KIF13A: variants seen among roughly 807,000 people sequenced by gnomAD.
KIF13A encodes the protein kinesin family member 13A.
A neutral mutation model predicts 212.2 loss-of-function variants in KIF13A; 79 were observed. That is an observed-to-expected ratio of 0.37 (90% CI 0.31 to 0.45). KIF13A has a LOEUF of 0.45. Among genes scored for constraint, KIF13A ranks in the 20% least tolerant of loss-of-function variants. The probability of loss-of-function intolerance (pLI) is 1.00; values close to 1 mark genes in which losing one functional copy is unlikely to be tolerated. For synonymous variants in KIF13A, 789 were observed against 808.6 expected, an observed-to-expected ratio of 0.98 and a Z score of 0.41; for missense variants, 1,901 against 2,209.0, an observed-to-expected ratio of 0.86 and a Z score of 2.79.
chr6:17,879,146 A>G lies in KIF13A; in HGVS notation c.160-5709T>C, dbSNP rs78633455. ...GATCTCCCAATCCCCTTTCCCTCCTATGAAATTTTACAGCAGTTTGTAGCT... is the reference window on the plus strand; with the variant it reads ...GATCTCCCAATCCCCTTTCCCTCCTGTGAAATTTTACAGCAGTTTGTAGCT... On this transcript the variant is annotated intron_variant, in intron 3 of 38. Transcript: ENST00000259711. 7.1e-3 allele frequency among the ~76,000 whole-genome samples: 1,084 copies of G among 152,224 alleles called. 11 individuals carry two copies. Among genetic ancestry groups the G allele is most frequent in the African/African-American group, 0.023 (959 of 41,546 alleles).
intron 3 of KIF13A, chr6:17,881,525 T>C (rs1357372361): frequency 4.7e-6 from 2 of 429,338 alleles, no homozygotes; most frequent in South Asian, 1.6e-5. Flanking sequence ...GGTGAAACCC[T>C]GTCTCTACTA....
At chr6:17,920,613 C>T (rs913233484) in intron 2 of KIF13A, among the ~76,000 whole-genome samples, 1 of 152,182 alleles carries the variant, frequency 6.6e-6, no homozygotes, top group African/African-American at 2.4e-5. Context: ...GTGGCTCACG[C>T]CTGTAATCCC....
Position 17,871,320 on chromosome 6 carries a change from CTCTCTTTAAAATCTGGTGCCTTTTCTCTT to C in KIF13A, c.220+2028_220+2056del, listed in dbSNP as rs1368177450. 6.6e-6 allele frequency among the ~76,000 whole-genome samples: 1 copy of C among 152,100 alleles called. No individual in the cohort carries two copies. The highest frequency in any genetic ancestry group is 1.5e-5 in the Non-Finnish European group (1 of 68,014). ...GACAATTGGTGCCTTTCCAGATTTT[CTCTCTTTAAAATCTGGTGCCTTTTCTCTT>C]TCTCTTTAAAATCTGGTGCCTTTCC... On this transcript the variant is annotated intron_variant, in intron 4 of 38. Coordinates refer to ENST00000259711, the MANE Select transcript of KIF13A (RefSeq NM_022113.6). The surrounding 1 kb of genome is among the most constrained non-coding windows in gnomAD (Gnocchi z 4.4).
intron 29 of KIF13A, among the ~76,000 whole-genome samples, chr6:17,781,623 G>GT (rs776138365): frequency 0.034 from 3,609 of 107,002 alleles, 92 homozygotes; most frequent in African/African-American, 0.054. Context: ...CTGTACTTGG[G>GT]TTTTTTTTTT....
chr6:17,823,440 T>C (rs1274052241), intron 16 of KIF13A, among the ~76,000 whole-genome samples: 2 of 136,854 alleles, frequency 1.5e-5, no homozygotes, highest in Non-Finnish European at 1.6e-5. Flanking sequence ...CTCCCTGCCT[T>C]CCTCCCTCTC....
intron 16 of KIF13A, among the ~76,000 whole-genome samples, chr6:17,821,034 A>G (rs1271574571): frequency 6.6e-6 from 1 of 152,094 alleles, no homozygotes; most frequent in Non-Finnish European, 1.5e-5. Context: ...TTATTTTTAA[A>G]ATGTTTTGTA....
chr6:17,834,528 T>TCAAAGTGGG lies in KIF13A; in HGVS notation c.1156-458_1156-457insCCCACTTTG, dbSNP rs1282993841. On this transcript the variant is annotated intron_variant, in intron 11 of 38. Coordinates refer to ENST00000259711, the MANE Select transcript of KIF13A (RefSeq NM_022113.6). This position sits in a 1 kb window ranked among gnomAD's most constrained non-coding sequence, Gnocchi z 4.0. ...AAATTTTGAATCTGGGCCTTTAGAC[T>TCAAAGTGGG]ACCTTTCTCCACTGATGGTCATGCA... Among the ~76,000 whole-genome samples, 4 of 152,242 alleles carry TCAAAGTGGG rather than the reference T, an allele frequency of 2.6e-5. No homozygotes were observed. Among genetic ancestry groups the TCAAAGTGGG allele is most frequent in the African/African-American group, 9.6e-5 (4 of 41,464 alleles).
chr6:17,926,983 C>G lies in KIF13A; in HGVS notation c.147-28803G>C, dbSNP rs184821762. Among the ~76,000 whole-genome samples the G allele has an allele frequency of 1.3e-5, 2 of 151,894 alleles. No homozygotes were observed. Among genetic ancestry groups the G allele is most frequent in the South Asian group, 2.1e-4 (1 of 4,816 alleles). The stretch of plus-strand genomic sequence containing the variant: ...TGAAACCTCATCTCTACTAAAAATA[C>G]AAAAATTAGCCAGGTGTGGTGGTGC... On this transcript the variant is annotated intron_variant, in intron 2 of 38. Coordinates refer to ENST00000259711, the MANE Select transcript of KIF13A (RefSeq NM_022113.6). This position sits in a 1 kb window ranked among gnomAD's most constrained non-coding sequence, Gnocchi z 4.3.
chr6:17,934,184 C>T lies in KIF13A; in HGVS notation c.147-36004G>A, dbSNP rs1776255873. On this transcript the variant is annotated intron_variant, in intron 2 of 38. Transcript: ENST00000259711. The surrounding 1 kb of genome is among the most constrained non-coding windows in gnomAD (Gnocchi z 5.4). ...GTTTCTTCGTAATTACAAAAGGCACCTCTTTCCATCTCTCACACTACTGTC... is the reference window on the plus strand; with the variant it reads ...GTTTCTTCGTAATTACAAAAGGCACTTCTTTCCATCTCTCACACTACTGTC... 6.6e-6 allele frequency among the ~76,000 whole-genome samples: 1 copy of T among 152,084 alleles called. No individual in the cohort carries two copies.
intron 17 of KIF13A, among the ~76,000 whole-genome samples, chr6:17,815,981 T>G (rs1763903947): frequency 6.6e-6 from 1 of 150,508 alleles, no homozygotes; most frequent in African/African-American, 2.4e-5. Context: ...GATCTTGGCT[T>G]ACTGTAACCA....
chr6:17,881,834 GA>G, intron 3 of KIF13A: 1 of 349,414 alleles, frequency 2.9e-6, no homozygotes, highest in Non-Finnish European at 5.7e-6. Flanking sequence ...TGTCTCTACT[GA>G]AAATACAAAA....
intron 4 of KIF13A, among the ~76,000 whole-genome samples, chr6:17,868,076 G>A (rs604139): frequency 0.79 from 120,785 of 152,228 alleles, 48,242 homozygotes; most frequent in African/African-American, 0.85. Context: ...AATGCTCGAA[G>A]ACACATGGCT....
chr6:17,975,161 T>C (rs941041681), intron 2 of KIF13A, among the ~76,000 whole-genome samples: 3 of 152,048 alleles, frequency 2.0e-5, no homozygotes, highest in South Asian at 2.1e-4. Context: ...CTGGCCAACA[T>C]AGTGAAACCC....
intron 2 of KIF13A, among the ~76,000 whole-genome samples, chr6:17,972,649 G>A (rs1346732993): frequency 6.6e-6 from 1 of 152,082 alleles, no homozygotes; most frequent in Non-Finnish European, 1.5e-5. Context: ...GCAGTTCGTC[G>A]TTTTGCGCTT....
At chr6:17,778,170 A>G (rs1760170133) in intron 33 of KIF13A, among the ~76,000 whole-genome samples, 1 of 152,210 alleles carries the variant, frequency 6.6e-6, no homozygotes, top group Non-Finnish European at 1.5e-5. Context: ...AAATAAAACC[A>G]GGAAAACAGC....
chr6:17,925,662 C>T (rs1775433227), intron 2 of KIF13A, among the ~76,000 whole-genome samples: 1 of 152,194 alleles, frequency 6.6e-6, no homozygotes, highest in African/African-American at 2.4e-5. Context: ...TGATAATCAA[C>T]AGTATGTGCT....
chr6:17,858,079 TTATGTGTG>T (rs1268517026), intron 4 of KIF13A, among the ~76,000 whole-genome samples: 23 of 112,378 alleles, frequency 2.0e-4, no homozygotes, highest in African/African-American at 8.0e-4. Context: ...TGTCAAATAG[TTATGTGTG>T]TGTGTGTGTG....
chr6:17,778,954 AG>A lies in KIF13A; in HGVS notation c.4084del (p.Leu1362SerfsTer64). ...QVENILSLER[L>X]RQAVTVKEAL... ...AGATATTCAGTTACTTGCCTGCCGG[AG>A]CCGTTCAAGACTCAGAATGTTTTCC... On this transcript the variant is annotated frameshift_variant, in exon 33 of 39. Coordinates refer to ENST00000259711, the MANE Select transcript of KIF13A (RefSeq NM_022113.6). LOFTEE classifies it high-confidence loss of function. The A allele has an allele frequency of 6.3e-7, 1 of 1,588,706 alleles. No homozygotes were observed. The highest frequency in any genetic ancestry group is 8.6e-7 in the Non-Finnish European group (1 of 1,167,280).
rs963436261 is a variant in KIF13A, at chr6:17,872,747, C to A, written c.220+630G>T. 2.0e-5 allele frequency among the ~76,000 whole-genome samples: 3 copies of A among 151,928 alleles called. No homozygotes were observed. Among genetic ancestry groups the A allele is most frequent in the African/African-American group, 4.8e-5 (2 of 41,350 alleles). ...GCCTCCTGGGCTCAAGGCATTCTCC[C>A]GCCTCAGCCTCCCAAGTAGCTGGGA... is the stretch of plus-strand genomic sequence containing the variant. On this transcript the variant is annotated intron_variant, in intron 4 of 38. Coordinates refer to ENST00000259711, the MANE Select transcript of KIF13A (RefSeq NM_022113.6). The surrounding 1 kb of genome is among the most constrained non-coding windows in gnomAD (Gnocchi z 4.7).
Sources: gnomAD v4.1 joint callset for allele counts (sites outside exome capture counted in the v4.1 genomes callset) on GRCh38, gnomAD v4.1.1 for gene constraint, Gnocchi (gnomAD v3.1) non-coding constraint, MANE v1.5 for transcripts, NCBI Gene and HGNC (gene_info 2026-07-23, HGNC 2026-07-21) for gene names.